Variants in EMCN observed in about 807,000 individuals in gnomAD.
EMCN encodes the protein endomucin.
EMCN carries 37 observed loss-of-function variants against 38.4 expected under a neutral mutation model. The ratio of observed to expected loss-of-function variants is 0.96; its 90% CI spans 0.74 to 1.27. The LOEUF is 1.27. Among genes scored for constraint, EMCN ranks in the 50% most tolerant of loss-of-function variants. The pLI is 0.00. For missense variants in EMCN, 318 were observed against 302.8 expected (o/e 1.05, Z -0.37); for synonymous variants, 95 against 100.8 (o/e 0.94, Z 0.35).
chr4:100,419,472 G>T (rs991578825), intron 8 of EMCN, among the ~76,000 whole-genome samples: 1 of 152,094 alleles, frequency 6.6e-6, no homozygotes, highest in African/African-American at 2.4e-5. Flanking sequence ...ATAGCTATCC[G>T]TAGTGGTAGG....
In EMCN at chr4:100,436,652, A is replaced by G. The variant is rs114788872; in HGVS notation, c.415+10881T>C. On this transcript the variant is annotated intron_variant, in intron 5 of 11. Coordinates refer to ENST00000296420, the MANE Select transcript of EMCN (RefSeq NM_016242.4). ...ATAGACTGGATAAACAAAATCTGGT[A>G]TATATACACCATGGTATACTGTGTA... Among the ~76,000 whole-genome samples, 373 of 152,330 alleles carry G rather than the reference A, an allele frequency of 2.4e-3. 1 individual carries two copies. Among genetic ancestry groups the G allele is most frequent in the African/African-American group, 8.0e-3 (333 of 41,578 alleles).
intron 2 of EMCN, among the ~76,000 whole-genome samples, chr4:100,477,705 GT>G (rs1395221357): frequency 6.6e-6 from 1 of 152,092 alleles, no homozygotes; most frequent in Non-Finnish European, 1.5e-5. Context: ...TCCATGTTGT[GT>G]TTTTTTGGTA....
chr4:100,498,921 A>G (rs191427416), intron 1 of EMCN, among the ~76,000 whole-genome samples: 37 of 152,288 alleles, frequency 2.4e-4, no homozygotes, highest in Admixed American at 1.4e-3. Flanking sequence ...TATTTTCATT[A>G]TACTACTATT....
intron 4 of EMCN, among the ~76,000 whole-genome samples, chr4:100,457,406 T>C (rs1728049344): frequency 6.6e-6 from 1 of 152,198 alleles, no homozygotes; most frequent in East Asian, 1.9e-4. Flanking sequence ...CTTTCAACTT[T>C]GTACTGTTGA....
At chr4:100,447,965 T>G (rs1727724834) in intron 4 of EMCN, among the ~76,000 whole-genome samples, 1 of 151,952 alleles carries the variant, frequency 6.6e-6, no homozygotes, top group African/African-American at 2.4e-5. Context: ...TGCTGAGTCT[T>G]GCTTTATAGG....
At chr4:100,467,317 T>C (rs543991449) in intron 3 of EMCN, among the ~76,000 whole-genome samples, 1 of 152,160 alleles carries the variant, frequency 6.6e-6, no homozygotes, top group Non-Finnish European at 1.5e-5. Flanking sequence ...TTTACTAATA[T>C]ACAGAAATGC....
chr4:100,507,925 C>A (rs759463063), intron 1 of EMCN, among the ~76,000 whole-genome samples: 1 of 152,042 alleles, frequency 6.6e-6, no homozygotes, highest in African/African-American at 2.4e-5. Flanking sequence ...AGAGAATTGG[C>A]CTTTTACATG....
At position 100,474,998 on chromosome 4, in the gene EMCN, T is replaced by C. The variant is rs372158352; in HGVS notation, c.259+40A>G. The C allele has an allele frequency of 5.0e-5, 55 of 1,107,924 alleles. No homozygotes were observed. In the African/African-American group the frequency reaches 6.8e-4, roughly 14 times the overall value. The allele number at this position is 1,107,924 out of a possible 1,614,324, so 68.6% of individuals were successfully genotyped here. The stretch of plus-strand genomic sequence containing the variant: ...GGTGACTATTATGTTATGTGAATTA[T>C]ATATTTTTTAAAATTGTAGAAAAAT... On this transcript the variant is annotated intron_variant, in intron 3 of 11. Transcript: ENST00000296420.
chr4:100,435,168 T>C (rs1182819329), intron 5 of EMCN, among the ~76,000 whole-genome samples: 1 of 152,194 alleles, frequency 6.6e-6, no homozygotes, highest in African/African-American at 2.4e-5. Flanking sequence ...ATAAGCAACT[T>C]CAGCAAAGCC....
At chr4:100,436,239 C>T (rs941135530) in intron 5 of EMCN, among the ~76,000 whole-genome samples, 2 of 151,870 alleles carry the variant, frequency 1.3e-5, no homozygotes, top group South Asian at 2.1e-4. Context: ...AGAAGACATT[C>T]ATGCAGTCAA....
At chr4:100,453,740 C>G (rs1240862056) in intron 4 of EMCN, among the ~76,000 whole-genome samples, 2 of 151,944 alleles carry the variant, frequency 1.3e-5, no homozygotes, top group Non-Finnish European at 2.9e-5. Context: ...TATTGTGGCA[C>G]TATTCACAAT....
intron 11 of EMCN, among the ~76,000 whole-genome samples, chr4:100,409,462 G>C (rs372368783): frequency 6.6e-6 from 1 of 152,128 alleles, no homozygotes; most frequent in Non-Finnish European, 1.5e-5. Context: ...AATAAGAAAC[G>C]TACCTGCCTT....
At chr4:100,477,409 G>T (rs934711501) in intron 2 of EMCN, among the ~76,000 whole-genome samples, 2 of 152,146 alleles carry the variant, frequency 1.3e-5, no homozygotes, top group Non-Finnish European at 2.9e-5. Flanking sequence ...CTAGGAAGAG[G>T]TCAAGTCCCA....
At chr4:100,454,780 A>T (rs1007007333) in intron 4 of EMCN, among the ~76,000 whole-genome samples, 6 of 152,298 alleles carry the variant, frequency 3.9e-5, no homozygotes, top group African/African-American at 1.2e-4. Flanking sequence ...TCTTTAAGAA[A>T]GTCAAGGTTC....
At chr4:100,506,671 T>C (rs3756037) in intron 1 of EMCN, among the ~76,000 whole-genome samples, 60,142 of 151,966 alleles carry the variant, frequency 0.4, 12,579 homozygotes, top group East Asian at 0.71. Context: ...AATATTTATA[T>C]GGTCATAAAA....
chr4:100,433,160 T>C, intron 5 of EMCN, among the ~76,000 whole-genome samples: 1 of 152,212 alleles, frequency 6.6e-6, no homozygotes, highest in East Asian at 1.9e-4. Flanking sequence ...CTTTGTTCTC[T>C]ATCTCTGTAT....
At chr4:100,458,675 A>C (rs1040755565) in intron 4 of EMCN, among the ~76,000 whole-genome samples, 8 of 152,284 alleles carry the variant, frequency 5.3e-5, no homozygotes, top group African/African-American at 1.9e-4. Context: ...AAAACTAACA[A>C]AGGCCTTAAA....
Position 100,423,362 on chromosome 4 carries a change from G to A in EMCN, c.458C>T (p.Thr153Ile), listed in dbSNP as rs1202303136. The A allele has an allele frequency of 6.2e-7, 1 of 1,613,024 alleles. No individual in the cohort carries two copies. Among genetic ancestry groups the A allele is most frequent in the Non-Finnish European group, 8.5e-7 (1 of 1,179,334 alleles). ...QPDASPSKTG[T>I]LTSIPVTIPE... is the part of the protein sequence containing the mutation. ...AATTGTAACTGGTATTGAGGTTAAT[G>A]TACCAGTTTTAGAAGGTGATGCATC... is the stretch of plus-strand genomic sequence containing the variant. The change falls in exon 6 of 12, where the codon ACA (threonine) becomes ATA (isoleucine). Residue 153 changes from threonine (T) to isoleucine (I), a missense_variant. Coordinates refer to ENST00000296420, the MANE Select transcript of EMCN (RefSeq NM_016242.4).
chr4:100,455,903 T>C (rs987633189), intron 4 of EMCN, among the ~76,000 whole-genome samples: 2 of 152,102 alleles, frequency 1.3e-5, no homozygotes, highest in African/African-American at 4.8e-5. Context: ...CAATCAATCC[T>C]CCTGCCTCAC....
Sources: allele counts gnomAD v4.1 joint callset (sites outside exome capture counted in the v4.1 genomes callset), GRCh38; gene constraint gnomAD v4.1.1; transcripts MANE v1.5; gene names NCBI Gene and HGNC (gene_info 2026-07-23, HGNC 2026-07-21).